The following MAF variants were observed in gnomAD, a reference collection of about 807,000 sequenced individuals.
MAF encodes MAF bZIP transcription factor.
MAF carries 10 observed loss-of-function variants against 22.0 expected under a neutral mutation model. That is an observed-to-expected ratio of 0.45 (90% CI 0.28 to 0.77). The LOEUF is 0.77. Ranked by LOEUF, MAF falls within the 30% of genes least tolerant of loss-of-function variation. The pLI is 0.12. For missense variants in MAF, 544 were observed against 548.4 expected (o/e 0.99, Z 0.08); for synonymous variants, 337 against 255.8 (o/e 1.32, Z -3.03).
chr16:79,367,838 T>G, the MAF span, among the ~76,000 whole-genome samples: 1 of 152,236 alleles, frequency 6.6e-6, no homozygotes, highest in Non-Finnish European at 1.5e-5. Flanking sequence ...CCATATTTCT[T>G]TTATTCTGCT....
chr16:79,205,671 G>A, the MAF span: 451 of 152,232 alleles, frequency 3.0e-3, 1 homozygote, highest in African/African-American at 0.01. Flanking sequence ...ACTCCCAAAG[G>A]TTTATGAAGA....
chr16:79,295,000 C>T, the MAF span, among the ~76,000 whole-genome samples: 1 of 152,018 alleles, frequency 6.6e-6, no homozygotes, highest in Non-Finnish European at 1.5e-5. Flanking sequence ...GTCTACTTCC[C>T]CCTAGAGCAG....
chr16:79,409,864 G>C, the MAF span, among the ~76,000 whole-genome samples: 5 of 152,206 alleles, frequency 3.3e-5, no homozygotes, highest in African/African-American at 1.2e-4. Flanking sequence ...GCCAAACGTG[G>C]TGACTGAAGC....
the MAF span, among the ~76,000 whole-genome samples, chr16:79,523,994 C>A: frequency 1.3e-5 from 2 of 152,118 alleles, no homozygotes; most frequent in Admixed American, 6.5e-5. Context: ...GAAATTACCC[C>A]AAGCCATCCA....
chr16:79,479,262 T>A, the MAF span, among the ~76,000 whole-genome samples: 2 of 152,238 alleles, frequency 1.3e-5, no homozygotes, highest in Admixed American at 6.5e-5. Flanking sequence ...CTTTGTACCA[T>A]CATACCTTTC....
intron 1 of MAF, chr16:79,595,041 T>C (rs1156513790): frequency 1.9e-6 from 2 of 1,053,368 alleles, no homozygotes; most frequent in East Asian, 1.1e-4. Flanking sequence ...TTGCCTAAAA[T>C]CTTTCATCAG....
chr16:79,572,530 CAGG>C, the MAF span, among the ~76,000 whole-genome samples: 6 of 152,120 alleles, frequency 3.9e-5, no homozygotes, highest in Non-Finnish European at 8.8e-5. Flanking sequence ...TCAGGTTGAT[CAGG>C]AGGAGGGGCT....
the MAF span, among the ~76,000 whole-genome samples, chr16:79,482,352 G>C: frequency 6.6e-6 from 1 of 152,142 alleles, no homozygotes; most frequent in Admixed American, 6.5e-5. Context: ...CAGTGTTCCA[G>C]GAGAAGGCTT....
At chr16:79,457,476 G>C in the MAF span, among the ~76,000 whole-genome samples, 1 of 149,204 alleles carries the variant, frequency 6.7e-6, no homozygotes, top group African/African-American at 2.5e-5. Flanking sequence ...AAAGTGTCAA[G>C]AGCAATACTG....
At chr16:79,381,163 C>T in the MAF span, among the ~76,000 whole-genome samples, 6 of 151,964 alleles carry the variant, frequency 3.9e-5, no homozygotes, top group Non-Finnish European at 5.9e-5. Context: ...AAATTGTGTA[C>T]GTTCAACAGC....
chr16:79,308,671 G>C, the MAF span, among the ~76,000 whole-genome samples: 2 of 152,188 alleles, frequency 1.3e-5, no homozygotes, highest in South Asian at 4.1e-4. Context: ...ATTGATGTCT[G>C]TCTTTGACAA....
chr16:79,356,127 C>T, the MAF span, among the ~76,000 whole-genome samples: 1 of 152,188 alleles, frequency 6.6e-6, no homozygotes, highest in Non-Finnish European at 1.5e-5. Context: ...ACACTCAATG[C>T]ACTTATGCAT....
chr16:79,543,654 T>C, the MAF span, among the ~76,000 whole-genome samples: 1 of 151,968 alleles, frequency 6.6e-6, no homozygotes, highest in Non-Finnish European at 1.5e-5. Flanking sequence ...GCTGAACAAT[T>C]TCCAGGCCCT....
chr16:79,332,884 C>T, the MAF span, among the ~76,000 whole-genome samples: 1 of 152,202 alleles, frequency 6.6e-6, no homozygotes, highest in Non-Finnish European at 1.5e-5. Context: ...CCCAAGGTCA[C>T]CTGCCCCACA....
chr16:79,263,051 G>C, the MAF span, among the ~76,000 whole-genome samples: 1 of 152,138 alleles, frequency 6.6e-6, no homozygotes, highest in African/African-American at 2.4e-5. Context: ...TTTCCATATT[G>C]ACACAGTGTG....
At chr16:79,575,063 G>T in the MAF span, among the ~76,000 whole-genome samples, 1 of 150,938 alleles carries the variant, frequency 6.6e-6, no homozygotes, top group African/African-American at 2.4e-5. Context: ...AGCCCCAACG[G>T]CCACTAAAGG....
chr16:79,398,647 G>C, the MAF span, among the ~76,000 whole-genome samples: 7 of 152,102 alleles, frequency 4.6e-5, no homozygotes, highest in African/African-American at 1.7e-4. Context: ...GTGTGTGTGT[G>C]TGTTGCATGC....
the MAF span, among the ~76,000 whole-genome samples, chr16:79,261,917 G>C: frequency 5.8e-4 from 88 of 152,270 alleles, no homozygotes; most frequent in African/African-American, 2.0e-3. Context: ...CAGTGGAGAG[G>C]GCTGGGAGAA....
the MAF span, among the ~76,000 whole-genome samples, chr16:79,492,313 C>G: frequency 6.6e-6 from 1 of 152,062 alleles, no homozygotes; most frequent in Non-Finnish European, 1.5e-5. Context: ...GGAGCACCAA[C>G]CAAAATTCAA....
Sources: gnomAD v4.1 joint callset for allele counts (sites outside exome capture counted in the v4.1 genomes callset) on GRCh38, gnomAD v4.1.1 for gene constraint, MANE v1.5 for transcripts, NCBI Gene and HGNC (gene_info 2026-07-23, HGNC 2026-07-21) for gene names.